VPS8: variants seen among roughly 807,000 people sequenced by gnomAD.
VPS8 encodes vacuolar protein sorting-associated protein 8 homolog.
In VPS8, 129 loss-of-function variants were observed where a neutral mutation model predicts 216.4. The ratio of observed to expected loss-of-function variants is 0.60; its 90% CI spans 0.52 to 0.69. VPS8 has a LOEUF of 0.69. VPS8 is among the 30% of genes least tolerant of loss of function. VPS8 has a pLI of 0.00. For missense variants in VPS8, 1,531 were observed against 1,683.5 expected (o/e 0.91, Z 1.59); for synonymous variants, 571 against 565.4 (o/e 1.01, Z -0.14).
chr3:184,954,926 T>C (rs1027122064), intron 36 of VPS8, among the ~76,000 whole-genome samples: 1 of 152,224 alleles, frequency 6.6e-6, no homozygotes, highest in African/African-American at 2.4e-5. Context: ...TTTACTAATA[T>C]AACCTAGGAA....
rs185969531 is a variant in VPS8 at position 184,833,418 on chromosome 3, C to T, written c.353+599C>T. ...AAAGTGATCTGTTTTTCTTCTTCTT[C>T]GATTTTGCCTGTGTCAATGTTCTTT... On this transcript the variant is annotated intron_variant, in intron 4 of 47. Coordinates refer to ENST00000625842, the MANE Select transcript of VPS8 (RefSeq NM_001009921.3). Among the ~76,000 whole-genome samples the T allele has an allele frequency of 1.2e-4, 19 of 152,182 alleles. No individual in the cohort carries two copies. The East Asian group carries it at 2.1e-3, about 17-fold the overall frequency.
At chr3:184,827,268 T>C (rs893242386) in intron 3 of VPS8, among the ~76,000 whole-genome samples, 2 of 152,250 alleles carry the variant, frequency 1.3e-5, no homozygotes, top group Non-Finnish European at 2.9e-5. Context: ...TTATTTTTCT[T>C]GTATGGCTTT....
chr3:184,849,708 T>C, intron 9 of VPS8: 1 of 522,042 alleles, frequency 1.9e-6, no homozygotes, highest in East Asian at 3.4e-5. Flanking sequence ...AGAACAACAT[T>C]TAAAATCTAA....
chr3:185,002,280 A>G (rs1753520048), intron 45 of VPS8, among the ~76,000 whole-genome samples: 1 of 152,116 alleles, frequency 6.6e-6, no homozygotes, highest in Non-Finnish European at 1.5e-5. Context: ...TTTTCTTGAG[A>G]AATTTTTCAT....
intron 47 of VPS8, among the ~76,000 whole-genome samples, chr3:185,048,893 G>T (rs538400885): frequency 1.3e-5 from 2 of 152,204 alleles, no homozygotes; most frequent in Non-Finnish European, 2.9e-5. Flanking sequence ...TGCCCAATCT[G>T]TCCGAAGCCC....
chr3:184,834,768 A>G, intron 5 of VPS8, 26 bp downstream of exon 5: 1 of 1,522,004 alleles, frequency 6.6e-7, no homozygotes. Flanking sequence ...TTTTCCCTCA[A>G]CTTTGTAACC....
chr3:184,929,351 A>G (rs913836524), intron 32 of VPS8, among the ~76,000 whole-genome samples: 11 of 151,928 alleles, frequency 7.2e-5, no homozygotes, highest in African/African-American at 2.2e-4. Flanking sequence ...ATGCCACCAT[A>G]CCTGGCTTTT....
intron 45 of VPS8, among the ~76,000 whole-genome samples, chr3:185,000,645 G>A (rs1311954826): frequency 2.2e-5 from 3 of 136,792 alleles, no homozygotes; most frequent in African/African-American, 8.3e-5. Flanking sequence ...GTCTCGCTCT[G>A]TTGCCCAGGC....
chr3:184,851,224 AAAGAG>A (rs1724181914), intron 10 of VPS8, among the ~76,000 whole-genome samples: 1 of 152,218 alleles, frequency 6.6e-6, no homozygotes, highest in South Asian at 2.1e-4. Flanking sequence ...AGCAGAGAGA[AAAGAG>A]AAGAATGCAG....
intron 25 of VPS8, among the ~76,000 whole-genome samples, chr3:184,909,059 G>C (rs540157274): frequency 6.6e-6 from 1 of 152,320 alleles, no homozygotes; most frequent in Admixed American, 6.5e-5. Flanking sequence ...GCTTGAAGGT[G>C]GGGTTTCACA....
chr3:184,901,487 A>G (rs1441233060), intron 25 of VPS8: 1 of 151,658 alleles, frequency 6.6e-6, no homozygotes, highest in African/African-American at 2.4e-5. Context: ...ATTTGTGGAC[A>G]AGTTTTTTAA....
intron 45 of VPS8, 38 bp from the exon 46 acceptor site, chr3:185,024,298 A>G: frequency 6.5e-7 from 1 of 1,549,620 alleles, no homozygotes; most frequent in Non-Finnish European, 8.8e-7. Flanking sequence ...CTAGACTATA[A>G]CTGAAAGGGT....
chr3:184,872,050 G>A (rs115122414), intron 21 of VPS8, among the ~76,000 whole-genome samples: 2,757 of 152,190 alleles, frequency 0.018, 91 homozygotes, highest in African/African-American at 0.064. Flanking sequence ...AAATAACTTA[G>A]GAAGAAGACA....
chr3:185,023,856 T>A (rs1232411996), intron 45 of VPS8, among the ~76,000 whole-genome samples: 1 of 152,200 alleles, frequency 6.6e-6, no homozygotes, highest in East Asian at 1.9e-4. Flanking sequence ...ATTTCTGTAC[T>A]ATTATCTTTT....
chr3:184,967,764 G>T (rs980539568), intron 39 of VPS8, among the ~76,000 whole-genome samples: 9 of 151,880 alleles, frequency 5.9e-5, no homozygotes, highest in African/African-American at 2.2e-4. Flanking sequence ...TTGAACCTGG[G>T]AGGCGGAGGT....
chr3:184,885,351 A>G (rs1464968118), intron 21 of VPS8, among the ~76,000 whole-genome samples: 1 of 152,230 alleles, frequency 6.6e-6, no homozygotes, highest in South Asian at 2.1e-4. Context: ...ATGCTTGGTT[A>G]CTTGACAATT....
rs759618296 is a variant in VPS8, at chr3:185,048,570, C to T, written c.4137+11C>T. ...CGAGGAAGCTCCAGGGTAATGTTTG[C>T]GTGGTTGTTTATATTTTTATTTCCC... On this transcript the variant is annotated intron_variant, in intron 47 of 47. Transcript: ENST00000625842. The T allele has an allele frequency of 2.0e-5, 33 of 1,613,100 alleles. No individual in the cohort carries two copies. Among genetic ancestry groups the T allele is most frequent in the Middle Eastern group, 1.6e-4 (1 of 6,082 alleles).
intron 10 of VPS8, among the ~76,000 whole-genome samples, chr3:184,852,169 TTAGTAA>T (rs1724406507): frequency 6.6e-6 from 1 of 152,216 alleles, no homozygotes; most frequent in South Asian, 2.1e-4. Context: ...TCTCATTTAC[TTAGTAA>T]TAGCAAGTTA....
intron 25 of VPS8, among the ~76,000 whole-genome samples, chr3:184,910,480 C>T (rs954118083): frequency 2.0e-5 from 3 of 152,166 alleles, no homozygotes; most frequent in East Asian, 1.9e-4. Context: ...CCAGAGCCCA[C>T]GTGTTTCTCT....
Sources: gnomAD v4.1 joint callset for allele counts (sites outside exome capture counted in the v4.1 genomes callset) on GRCh38, gnomAD v4.1.1 for gene constraint, MANE v1.5 for transcripts, NCBI Gene and HGNC (gene_info 2026-07-23, HGNC 2026-07-21) for gene names.